The following ACOT7 variants were observed in gnomAD, a reference collection of about 807,000 sequenced individuals.
ACOT7 encodes the protein acyl-CoA thioesterase 7, also known as cytosolic acyl coenzyme A thioester hydrolase.
ACOT7 carries 12 observed loss-of-function variants against 40.2 expected under a neutral mutation model. The observed-to-expected ratio is 0.30, with a 90% CI of 0.19 to 0.48. The LOEUF is 0.48. ACOT7 is among the 20% of genes least tolerant of loss of function. ACOT7 has a pLI of 0.99. For synonymous variants in ACOT7, 228 were observed against 219.5 expected, an observed-to-expected ratio of 1.04 and a Z score of -0.34; for missense variants, 395 against 530.8, an observed-to-expected ratio of 0.74 and a Z score of 2.51.
At position 6,338,893 on chromosome 1, in the gene ACOT7, G is replaced by A. The variant is rs1272461505; in HGVS notation, c.418+540C>T. Among the ~76,000 whole-genome samples, 3 of 152,320 alleles carry A rather than the reference G, an allele frequency of 2.0e-5. No homozygotes were observed. In the East Asian group the frequency reaches 5.8e-4, roughly 29 times the overall value. On this transcript the variant is annotated intron_variant, in intron 3 of 8. Transcript: ENST00000361521. The surrounding 1 kb of genome is among the most constrained non-coding windows in gnomAD (Gnocchi z 4.4). The stretch of plus-strand genomic sequence containing the variant: ...CCCCTCCTGCAGCGCCCAGTGGGAA[G>A]GGGAAGGGGGTTTCCATGGTTACCA...
At chr1:6,373,552 A>G (rs1642173300) in intron 1 of ACOT7, among the ~76,000 whole-genome samples, 1 of 151,190 alleles carries the variant, frequency 6.6e-6, no homozygotes, top group Non-Finnish European at 1.5e-5. Flanking sequence ...CGCCTGCCCC[A>G]AACTTTCAAT....
At chr1:6,338,000 CAAA>C (rs769360339) in intron 3 of ACOT7, among the ~76,000 whole-genome samples, 440 of 71,792 alleles carry the variant, frequency 6.1e-3, no homozygotes, top group African/African-American at 0.017. Context: ...GACACCATCT[CAAA>C]AAAAAAAAAA....
chr1:6,351,880 G>A (rs1641601506), intron 1 of ACOT7, among the ~76,000 whole-genome samples: 1 of 152,248 alleles, frequency 6.6e-6, no homozygotes, highest in African/African-American at 2.4e-5. Flanking sequence ...ACAGATATGT[G>A]GGTAGCCTTT....
chr1:6,305,386 C>G (rs934267151), intron 6 of ACOT7, among the ~76,000 whole-genome samples: 2 of 149,808 alleles, frequency 1.3e-5, no homozygotes, highest in African/African-American at 2.5e-5. Flanking sequence ...CTGACCCCCC[C>G]ACCTCCCTCC....
rs187444233 is a variant in ACOT7, at chr1:6,364,709, G to A, written c.144-14843C>T. On this transcript the variant is annotated intron_variant, in intron 1 of 8. Coordinates refer to ENST00000361521, the MANE Select transcript of ACOT7 (RefSeq NM_007274.4). ...CTAAAAATACAAAAATTAGTTGGGC[G>A]TGGTTGCGCTCACCTGTAGTCCCAG... Among the ~76,000 whole-genome samples the A allele has an allele frequency of 3.8e-3, 576 of 151,092 alleles. 5 individuals carry two copies. Among genetic ancestry groups the A allele is most frequent in the African/African-American group, 0.013 (552 of 41,148 alleles).
chr1:6,330,889 G>A lies in ACOT7; in HGVS notation c.510+2588C>T, dbSNP rs1640935975. On this transcript the variant is annotated intron_variant, in intron 4 of 8. Transcript: ENST00000361521. The surrounding 1 kb of genome is among the most constrained non-coding windows in gnomAD (Gnocchi z 4.6). ...CTGAAGCCAGGCATGGGGCCTGGGAGAGATTTCAGAACTGGGTAGCATCTG... is the reference window on the plus strand; with the variant it reads ...CTGAAGCCAGGCATGGGGCCTGGGAAAGATTTCAGAACTGGGTAGCATCTG... Among the ~76,000 whole-genome samples, 1 of 152,230 alleles carries A rather than the reference G, an allele frequency of 6.6e-6. No individual in the cohort carries two copies. Among genetic ancestry groups the A allele is most frequent in the South Asian group, 2.1e-4 (1 of 4,834 alleles).
chr1:6,307,752 GGAGGGAACTGCAACCAGGCA>G (rs1049116206), intron 6 of ACOT7, among the ~76,000 whole-genome samples: 3 of 151,906 alleles, frequency 2.0e-5, no homozygotes, highest in African/African-American at 7.3e-5. Flanking sequence ...TGCAACAGGC[GGAGGGAACTGCAACCAGGCA>G]GAGGGAACCG....
In ACOT7 at chr1:6,282,904, G is replaced by A. The variant is rs771329040; in HGVS notation, c.830-1618C>T. 18 of 687,748 alleles carry A rather than the reference G, an allele frequency of 2.6e-5. No homozygotes were observed. The highest frequency in any genetic ancestry group is 2.9e-4 in the Middle Eastern group (1 of 3,492). The allele number at this position is 687,748 out of a possible 1,614,324, so 42.6% of individuals were successfully genotyped here. A position where few individuals can be genotyped will look rare whatever the true frequency, so the allele number is the denominator to read the frequency against. ...AGCTAAGGAGCTAGAAGTTTCAACA[G>A]GTCAGACCTGAGGGTCTCCCAGCAT... On this transcript the variant is annotated intron_variant, in intron 7 of 8. Coordinates refer to ENST00000361521, the MANE Select transcript of ACOT7 (RefSeq NM_007274.4). This position sits in a 1 kb window ranked among gnomAD's most constrained non-coding sequence, Gnocchi z 4.5.
At chr1:6,318,204 G>A (rs891127635) in intron 6 of ACOT7, among the ~76,000 whole-genome samples, 1 of 152,082 alleles carries the variant, frequency 6.6e-6, no homozygotes, top group Non-Finnish European at 1.5e-5. Flanking sequence ...ACAGGTGCAG[G>A]CCACCATGCC....
chr1:6,393,535 A>C lies in ACOT7; in HGVS notation c.-136T>G. 1 of 784,576 alleles carries C rather than the reference A, an allele frequency of 1.3e-6. No individual in the cohort carries two copies. Among genetic ancestry groups the C allele is most frequent in the Non-Finnish European group, 1.7e-6 (1 of 592,652 alleles). 48.6% of individuals were successfully genotyped at this position (784,576 alleles called of 1,614,324 possible). ...CCCGAGCCCCGCCTCCCAGGCCGCC[A>C]AGGCTGCAGAGAGCTCGCGCGGGCG... On this transcript the variant is annotated 5_prime_UTR_variant, in exon 1 of 9. Coordinates refer to ENST00000361521, the MANE Select transcript of ACOT7 (RefSeq NM_007274.4).
Position 6,357,233 on chromosome 1 carries a change from G to C in ACOT7, c.144-7367C>G, listed in dbSNP as rs1641770533. On this transcript the variant is annotated intron_variant, in intron 1 of 8. Transcript: ENST00000361521. The stretch of plus-strand genomic sequence containing the variant: ...GCCTGGGCAACAAGAGCGAAACTCC[G>C]CCTCAAAAAAAAAAAAAGTCAGTGC... 2.0e-5 allele frequency among the ~76,000 whole-genome samples: 3 copies of C among 151,028 alleles called. No homozygotes were observed. The South Asian group carries it at 6.3e-4, about 31-fold the overall frequency.
intron 1 of ACOT7, among the ~76,000 whole-genome samples, chr1:6,353,595 C>A (rs1308645728): frequency 6.6e-6 from 1 of 152,250 alleles, no homozygotes; most frequent in Non-Finnish European, 1.5e-5. Flanking sequence ...GATCATGCCA[C>A]TGCACTCCAG....
At chr1:6,279,767 A>G (rs1166774236) in intron 8 of ACOT7, among the ~76,000 whole-genome samples, 1 of 151,982 alleles carries the variant, frequency 6.6e-6, no homozygotes, top group Non-Finnish European at 1.5e-5. Context: ...CTCACACACC[A>G]CACCTGGCGC....
rs144628089 is a variant in ACOT7 at position 6,387,463 on chromosome 1, G to A, written c.143+5794C>T. 4.1e-3 allele frequency among the ~76,000 whole-genome samples: 617 copies of A among 152,206 alleles called. 3 individuals are homozygous for A. Among genetic ancestry groups the A allele is most frequent in the African/African-American group, 0.014 (595 of 41,528 alleles). On this transcript the variant is annotated intron_variant, in intron 1 of 8. Transcript: ENST00000361521. ...CTTGTTGACTCTCTGCTGAAGTACT[G>A]TTCACATGCAGAAAACCCATATTTG...
chr1:6,343,692 C>T (rs1641340007), intron 2 of ACOT7, among the ~76,000 whole-genome samples: 1 of 152,276 alleles, frequency 6.6e-6, no homozygotes, highest in African/African-American at 2.4e-5. Context: ...GGGCAATGCC[C>T]ATCTTGGAAG....
intron 8 of ACOT7, among the ~76,000 whole-genome samples, chr1:6,269,929 C>T (rs3789513): frequency 0.073 from 11,103 of 152,298 alleles, 494 homozygotes; most frequent in Middle Eastern, 0.12. Context: ...CCAGGGGCGC[C>T]CTTCCAGGGT....
At position 6,333,949 on chromosome 1, in the gene ACOT7, T is replaced by G. The variant is rs74961172; in HGVS notation, c.419-381A>C. Among the ~76,000 whole-genome samples, 672 of 152,210 alleles carry G rather than the reference T, an allele frequency of 4.4e-3. 4 individuals carry two copies. Among genetic ancestry groups the G allele is most frequent in the Non-Finnish European group, 7.2e-3 (491 of 67,996 alleles). ...CTTTCCAGGGGCTGCTGAGAAGACT[T>G]CAGACCACGTGGTTTAAGCCTGGAT... On this transcript the variant is annotated intron_variant, in intron 3 of 8. Transcript: ENST00000361521.
At position 6,288,222 on chromosome 1, in the gene ACOT7, C is replaced by T. The variant is rs1639560872; in HGVS notation, c.829+6642G>A. 6.6e-6 allele frequency among the ~76,000 whole-genome samples: 1 copy of T among 152,260 alleles called. No individual in the cohort carries two copies. Among genetic ancestry groups the T allele is most frequent in the South Asian group, 2.1e-4 (1 of 4,836 alleles). ...TGGTCCCCTGGGTGCGGGCTCCAGC[C>T]TGTCGTGGCCCTCGCGTCCCCAGCA... is the stretch of plus-strand genomic sequence containing the variant. On this transcript the variant is annotated intron_variant, in intron 7 of 8. Transcript: ENST00000361521. The surrounding 1 kb of genome is among the most constrained non-coding windows in gnomAD (Gnocchi z 4.3).
At chr1:6,360,664 G>A (rs376882773) in intron 1 of ACOT7, 21 of 1,614,078 alleles carry the variant, frequency 1.3e-5, no homozygotes, top group Non-Finnish European at 1.5e-5. Flanking sequence ...GTCTCCCCAC[G>A]TCTCCTGTCG....
Sources: allele counts gnomAD v4.1 joint callset (sites outside exome capture counted in the v4.1 genomes callset), GRCh38; gene constraint gnomAD v4.1.1; non-coding constraint Gnocchi (gnomAD v3.1); transcripts MANE v1.5; gene names NCBI Gene and HGNC (gene_info 2026-07-23, HGNC 2026-07-21).